Variants in DCDC2C observed in about 807,000 individuals in gnomAD.
The protein encoded by DCDC2C is doublecortin domain containing 2C.
A neutral mutation model predicts 45.0 loss-of-function variants in DCDC2C; 44 were observed. That is an observed-to-expected ratio of 0.98 (90% CI 0.77 to 1.26). The LOEUF (loss-of-function observed/expected upper bound fraction) is 1.26, where lower values mean the gene tolerates loss of function less well. Ranked by LOEUF, DCDC2C falls within the 50% of genes most tolerant of loss-of-function variation. DCDC2C has a pLI of 0.00. For missense variants in DCDC2C, 447 were observed against 468.9 expected, an observed-to-expected ratio of 0.95 and a Z score of 0.43; for synonymous variants, 187 against 178.8, an observed-to-expected ratio of 1.05 and a Z score of -0.37.
At chr2:3,741,714 TACAC>T (rs939307184) in intron 3 of DCDC2C, among the ~76,000 whole-genome samples, 3 of 149,240 alleles carry the variant, frequency 2.0e-5, no homozygotes, top group Admixed American at 1.3e-4. Flanking sequence ...CACATAGGTA[TACAC>T]ACACGCGCGC....
chr2:3,821,271 A>G (rs1406535692), intron 10 of DCDC2C, among the ~76,000 whole-genome samples: 3 of 152,208 alleles, frequency 2.0e-5, no homozygotes, highest in Non-Finnish European at 2.9e-5. Context: ...CAGTTACTTC[A>G]GGCCATCTGG....
At chr2:3,736,164 A>G (rs919950416) in intron 3 of DCDC2C, among the ~76,000 whole-genome samples, 1 of 152,196 alleles carries the variant, frequency 6.6e-6, no homozygotes, top group African/African-American at 2.4e-5. Flanking sequence ...GTCGGGGAAC[A>G]TAGATGAGAG....
intron 10 of DCDC2C, among the ~76,000 whole-genome samples, chr2:3,826,226 A>T (rs537177924): frequency 1.5e-3 from 224 of 152,066 alleles, no homozygotes; most frequent in Middle Eastern, 0.01. Context: ...TCCATCCACC[A>T]CCTCCTCCTT....
chr2:3,816,119 A>G (rs1294008216), intron 10 of DCDC2C, among the ~76,000 whole-genome samples: 4 of 152,162 alleles, frequency 2.6e-5, no homozygotes, highest in African/African-American at 9.7e-5. Context: ...ATTTTGTGGT[A>G]AGGGGCGATA....
At chr2:3,751,369 A>T (rs1242267114) in intron 4 of DCDC2C, among the ~76,000 whole-genome samples, 1 of 152,230 alleles carries the variant, frequency 6.6e-6, no homozygotes, top group Non-Finnish European at 1.5e-5. Flanking sequence ...AATTCCAAGC[A>T]TTGGGTTTCC....
At chr2:3,845,589 C>T (rs1203717900) in intron 10 of DCDC2C, among the ~76,000 whole-genome samples, 1 of 152,192 alleles carries the variant, frequency 6.6e-6, no homozygotes, top group Non-Finnish European at 1.5e-5. Context: ...TTAAGGGGGA[C>T]ATTTGTAATC....
intron 2 of DCDC2C, among the ~76,000 whole-genome samples, chr2:3,724,675 T>G (rs1572560272): frequency 6.6e-6 from 1 of 152,132 alleles, no homozygotes; most frequent in Non-Finnish European, 1.5e-5. Context: ...GTGTGTGTTG[T>G]GAAACCTGGC....
intron 6 of DCDC2C, among the ~76,000 whole-genome samples, chr2:3,759,447 G>T (rs115796237): frequency 0.025 from 3,751 of 152,290 alleles, 158 homozygotes; most frequent in African/African-American, 0.084. Flanking sequence ...CTACGTGTTT[G>T]CAGTATGATT....
chr2:3,751,715 C>T (rs1669547937), intron 4 of DCDC2C, among the ~76,000 whole-genome samples: 1 of 152,190 alleles, frequency 6.6e-6, no homozygotes. Context: ...TCTGCTCCTG[C>T]ACTTCCTGCC....
rs1297814067 is a variant in DCDC2C, at chr2:3,754,696, A to T, written c.726+62A>T. 5.5e-6 allele frequency: 8 copies of T among 1,454,830 alleles called. No homozygotes were observed. In the Admixed American group the frequency reaches 1.6e-4, roughly 29 times the overall value. The allele number at this position is 1,454,830 out of a possible 1,614,324, so 90.1% of individuals were successfully genotyped here. On this transcript the variant is annotated intron_variant, in intron 6 of 10. Transcript: ENST00000399143. ...CTGATTCTGGCGTCTTCTGGCATTA[A>T]CAAGGGCACAGCGCAGGGTGACGGC... is the stretch of plus-strand genomic sequence containing the variant.
At chr2:3,730,841 G>A (rs1357011506) in intron 3 of DCDC2C, among the ~76,000 whole-genome samples, 1 of 152,192 alleles carries the variant, frequency 6.6e-6, no homozygotes, top group African/African-American at 2.4e-5. Flanking sequence ...GCCTCCAGTG[G>A]TATACTGAGT....
rs960199615 is a variant in DCDC2C, at chr2:3,764,282, T to C, written c.727-3472T>C. Among the ~76,000 whole-genome samples, 25 of 152,184 alleles carry C rather than the reference T, an allele frequency of 1.6e-4. 1 individual carries two copies. The highest frequency in any genetic ancestry group is 1.3e-3 in the Admixed American group (20 of 15,282). ...TTCAATTTGTAAGGTCCTCATTTAG[T>C]GTTTGGGGGTTAGATTACGTTTTCC... On this transcript the variant is annotated intron_variant, in intron 6 of 10. Coordinates refer to ENST00000399143, the MANE Select transcript of DCDC2C (RefSeq NM_001287444.2).
At chr2:3,731,974 G>A (rs1261292528) in intron 3 of DCDC2C, among the ~76,000 whole-genome samples, 5 of 152,130 alleles carry the variant, frequency 3.3e-5, no homozygotes, top group Non-Finnish European at 7.3e-5. Flanking sequence ...TCAGTTTCAG[G>A]ACTGAGTACG....
intron 2 of DCDC2C, 38 bp downstream of exon 2, chr2:3,708,638 T>G (rs967422609): frequency 2.7e-6 from 4 of 1,460,668 alleles, no homozygotes; most frequent in African/African-American, 1.4e-5. Flanking sequence ...ATGGAATAAA[T>G]TGGCCAACTT....
intron 10 of DCDC2C, among the ~76,000 whole-genome samples, chr2:3,807,660 C>T (rs1268243923): frequency 1.3e-5 from 2 of 151,972 alleles, no homozygotes; most frequent in Non-Finnish European, 2.9e-5. Context: ...AGTCATATAA[C>T]TACCAGCATA....
At chr2:3,846,133 G>A (rs943796048) in intron 10 of DCDC2C, among the ~76,000 whole-genome samples, 15 of 150,852 alleles carry the variant, frequency 9.9e-5, no homozygotes, top group Non-Finnish European at 8.9e-5. Flanking sequence ...TTCCCTCCTC[G>A]TCCTCTTCTT....
intron 1 of DCDC2C, 25 bp from the exon 2 acceptor site, chr2:3,708,524 T>C: frequency 6.6e-7 from 1 of 1,513,972 alleles, no homozygotes; most frequent in Non-Finnish European, 8.9e-7. Flanking sequence ...CTTCTAATGA[T>C]GTTTTCTTCT....
chr2:3,828,043 G>C (rs1020126422), intron 10 of DCDC2C, among the ~76,000 whole-genome samples: 1 of 152,154 alleles, frequency 6.6e-6, no homozygotes, highest in African/African-American at 2.4e-5. Context: ...TCAAAATTCT[G>C]AGTACTTTCA....
At chr2:3,838,289 G>A (rs1672129033) in intron 10 of DCDC2C, among the ~76,000 whole-genome samples, 1 of 152,042 alleles carries the variant, frequency 6.6e-6, no homozygotes, top group South Asian at 2.1e-4. Flanking sequence ...CTGTAAAGAC[G>A]GGAGGTTGGA....
Sources: gnomAD v4.1 joint callset for allele counts (sites outside exome capture counted in the v4.1 genomes callset) on GRCh38, gnomAD v4.1.1 for gene constraint, MANE v1.5 for transcripts, NCBI Gene and HGNC (gene_info 2026-07-23, HGNC 2026-07-21) for gene names.